Variants in TRAPPC9 observed in about 807,000 individuals in gnomAD.
TRAPPC9 encodes IKK2 binding protein.
In TRAPPC9, 83 loss-of-function variants were observed where a neutral mutation model predicts 124.0. The ratio of observed to expected loss-of-function variants is 0.67; its 90% CI spans 0.56 to 0.80. The LOEUF (loss-of-function observed/expected upper bound fraction) is 0.80. Among genes scored for constraint, TRAPPC9 ranks in the 30% least tolerant of loss-of-function variants. The pLI, the probability that TRAPPC9 is intolerant of heterozygous loss-of-function variation, is 0.00. For synonymous variants in TRAPPC9, 638 were observed against 617.5 expected (o/e 1.03, Z -0.49); for missense variants, 1,302 against 1,508.3 (o/e 0.86, Z 2.27).
intron 9 of TRAPPC9, among the ~76,000 whole-genome samples, chr8:140,352,908 C>G (rs1395949279): frequency 6.6e-6 from 1 of 152,154 alleles, no homozygotes; most frequent in Non-Finnish European, 1.5e-5. Context: ...AGCTGGCGTC[C>G]AGGTCCCCCA....
At chr8:139,805,267 G>A (rs1823965929) in intron 21 of TRAPPC9, among the ~76,000 whole-genome samples, 1 of 152,224 alleles carries the variant, frequency 6.6e-6, no homozygotes, top group Non-Finnish European at 1.5e-5. Flanking sequence ...GGCGTGAGGT[G>A]TGCCTGGGCT....
intron 5 of TRAPPC9, among the ~76,000 whole-genome samples, chr8:140,419,208 CAGG>C (rs1349640649): frequency 6.6e-6 from 1 of 152,020 alleles, no homozygotes; most frequent in African/African-American, 2.4e-5. Context: ...GCGGGTGGAT[CAGG>C]AGGTCAGGAG....
intron 1 of TRAPPC9, 56 bp from the exon 2 acceptor site, chr8:140,451,439 C>T: frequency 6.8e-7 from 1 of 1,469,824 alleles, no homozygotes; most frequent in Non-Finnish European, 9.3e-7. Context: ...TGCTGAGAGC[C>T]TACCCTGGGA....
chr8:140,297,267 G>A (rs1343886989), intron 11 of TRAPPC9, among the ~76,000 whole-genome samples: 1 of 152,114 alleles, frequency 6.6e-6, no homozygotes. Flanking sequence ...GTGTCTTTCA[G>A]AATCAATAGA....
chr8:140,228,068 C>T lies in TRAPPC9; in HGVS notation c.2432-6485G>A, dbSNP rs145085175. On this transcript the variant is annotated intron_variant, in intron 16 of 22. Transcript: ENST00000438773. ...TTCCACTAAACCGATCACAAGGACCCTTGCAGGGGCTTAGCATCTATCTCC... is the reference window on the plus strand; with the variant it reads ...TTCCACTAAACCGATCACAAGGACCTTTGCAGGGGCTTAGCATCTATCTCC... Among the ~76,000 whole-genome samples, 86 of 152,336 alleles carry T rather than the reference C, an allele frequency of 5.6e-4. No individual in the cohort carries two copies. The East Asian group carries it at 0.011, about 19-fold the overall frequency.
chr8:139,848,706 T>C (rs772441082), intron 21 of TRAPPC9, among the ~76,000 whole-genome samples: 36 of 152,138 alleles, frequency 2.4e-4, no homozygotes, highest in Admixed American at 4.6e-4. Flanking sequence ...CTTAGATGAA[T>C]TACAGTGTTT....
chr8:139,850,814 A>G (rs1461032790), intron 21 of TRAPPC9, among the ~76,000 whole-genome samples: 2 of 152,076 alleles, frequency 1.3e-5, no homozygotes, highest in Admixed American at 6.5e-5. Context: ...CTAGCTATCA[A>G]CTCATCTTCC....
At chr8:140,266,517 A>G (rs2064661337) in intron 15 of TRAPPC9, among the ~76,000 whole-genome samples, 1 of 150,738 alleles carries the variant, frequency 6.6e-6, no homozygotes, top group African/African-American at 2.4e-5. Context: ...TAGAAGAATT[A>G]CATGACATCG....
intron 1 of TRAPPC9, among the ~76,000 whole-genome samples, chr8:140,453,584 A>G (rs2071546055): frequency 6.6e-6 from 1 of 152,164 alleles, no homozygotes; most frequent in Non-Finnish European, 1.5e-5. Flanking sequence ...ACAAAATTAA[A>G]TTTTAAAAAA....
rs2064151786 is a variant in TRAPPC9, at chr8:140,252,410, A to G, written c.2431+367T>C. Among the ~76,000 whole-genome samples, 1 of 152,194 alleles carries G rather than the reference A, an allele frequency of 6.6e-6. No homozygotes were observed. The highest frequency in any genetic ancestry group is 1.5e-5 in the Non-Finnish European group (1 of 68,038). ...TCTTCCACACTCCACCTCCTTATAG[A>G]TATCATCAGACTTTGAAGGAAAACT... On this transcript the variant is annotated intron_variant, in intron 16 of 22. Transcript: ENST00000438773. The surrounding 1 kb of genome is among the most constrained non-coding windows in gnomAD (Gnocchi z 4.2).
chr8:139,837,782 T>C (rs1826455756), intron 21 of TRAPPC9, among the ~76,000 whole-genome samples: 1 of 152,038 alleles, frequency 6.6e-6, no homozygotes, highest in Admixed American at 6.5e-5. Flanking sequence ...TCGGCCCTCC[T>C]CTGTGCTCCC....
intron 19 of TRAPPC9, among the ~76,000 whole-genome samples, chr8:139,949,804 T>C (rs1350061253): frequency 6.6e-6 from 1 of 152,116 alleles, no homozygotes; most frequent in Non-Finnish European, 1.5e-5. Flanking sequence ...TGGTAGGTGA[T>C]AGTGTTCTAA....
At chr8:139,990,360 C>A (rs1040839763) in intron 18 of TRAPPC9, among the ~76,000 whole-genome samples, 3 of 152,158 alleles carry the variant, frequency 2.0e-5, no homozygotes, top group African/African-American at 7.2e-5. Flanking sequence ...GACCTCTATT[C>A]ATTCCAAAGC....
intron 17 of TRAPPC9, among the ~76,000 whole-genome samples, chr8:140,145,178 T>C (rs1192482657): frequency 1.3e-5 from 2 of 152,162 alleles, no homozygotes; most frequent in Non-Finnish European, 2.9e-5. Context: ...GCCCAGCCTC[T>C]TTCTCTAATT....
intron 17 of TRAPPC9, among the ~76,000 whole-genome samples, chr8:140,202,529 A>C (rs1369300759): frequency 6.6e-6 from 1 of 152,240 alleles, no homozygotes; most frequent in Non-Finnish European, 1.5e-5. Flanking sequence ...ATAAAAGGCC[A>C]CTTTATAAAA....
chr8:140,177,927 G>A (rs1228337962), intron 17 of TRAPPC9, among the ~76,000 whole-genome samples: 2 of 151,820 alleles, frequency 1.3e-5, no homozygotes, highest in African/African-American at 4.8e-5. Context: ...AAATGATATG[G>A]TATTCTTAAC....
At chr8:140,152,270 G>T (rs1365640692) in intron 17 of TRAPPC9, among the ~76,000 whole-genome samples, 1 of 145,494 alleles carries the variant, frequency 6.9e-6, no homozygotes. Flanking sequence ...TGACTCTTAG[G>T]ATTAGCTTGT....
At chr8:140,299,612 T>C (rs1311418263) in intron 11 of TRAPPC9, among the ~76,000 whole-genome samples, 1 of 152,202 alleles carries the variant, frequency 6.6e-6, no homozygotes, top group Non-Finnish European at 1.5e-5. Flanking sequence ...ACGTGTGGGC[T>C]CAGCCGGCAG....
At chr8:139,735,369 G>A (rs1046838281) in intron 21 of TRAPPC9, among the ~76,000 whole-genome samples, 1 of 152,258 alleles carries the variant, frequency 6.6e-6, no homozygotes, top group Middle Eastern at 3.4e-3. Flanking sequence ...TTGGGGCAGC[G>A]GCTTTCGTCT....
Sources: gnomAD v4.1 joint callset for allele counts (sites outside exome capture counted in the v4.1 genomes callset) on GRCh38, gnomAD v4.1.1 for gene constraint, Gnocchi (gnomAD v3.1) non-coding constraint, MANE v1.5 for transcripts, NCBI Gene and HGNC (gene_info 2026-07-23, HGNC 2026-07-21) for gene names.